The following CSMD2 variants were observed in gnomAD, a reference collection of about 807,000 sequenced individuals.
CSMD2 encodes the protein CUB and sushi domain-containing protein 2.
In CSMD2, 130 loss-of-function variants were observed where a neutral mutation model predicts 398.5. The ratio of observed to expected loss-of-function variants is 0.33; its 90% confidence interval spans 0.28 to 0.38. CSMD2 has a LOEUF of 0.38. CSMD2 is among the 10% of genes least tolerant of loss of function. The pLI is 1.00. For synonymous variants in CSMD2, 1,828 were observed against 1,908.5 expected (o/e 0.96, Z 1.10); for missense variants, 3,829 against 4,764.9 (o/e 0.80, Z 5.78).
At chr1:34,096,011 A>G (rs1490037510) in intron 1 of CSMD2, among the ~76,000 whole-genome samples, 5 of 152,180 alleles carry the variant, frequency 3.3e-5, no homozygotes, top group Non-Finnish European at 7.4e-5. Context: ...AAAATCCTCA[A>G]TAAAATACTG....
intron 40 of CSMD2, 73 bp from the exon 41 acceptor site, chr1:33,611,323 C>T: frequency 7.8e-7 from 1 of 1,282,936 alleles, no homozygotes; most frequent in South Asian, 1.3e-5. Flanking sequence ...CTCATGAAAG[C>T]AGCTCCTGCC....
At chr1:33,847,075 C>T (rs750445541) in intron 5 of CSMD2, 79 bp from the exon 6 acceptor site, 1 of 956,136 alleles carries the variant, frequency 1.0e-6, no homozygotes, top group Non-Finnish European at 1.6e-6. Context: ...AGTTCCTCCA[C>T]TTCCCTTGAG....
At chr1:33,810,592 T>C in intron 10 of CSMD2, 151 bp downstream of exon 10, 3 of 687,728 alleles carry the variant, frequency 4.4e-6, no homozygotes, top group Non-Finnish European at 6.9e-6. Flanking sequence ...ATCTGCTTTT[T>C]ATCCACTCGA....
intron 4 of CSMD2, among the ~76,000 whole-genome samples, chr1:33,920,839 C>A (rs1306147541): frequency 1.3e-5 from 2 of 152,184 alleles, no homozygotes; most frequent in African/African-American, 4.8e-5. Context: ...GTGATGGTGG[C>A]TAAGACCAGG....
Position 33,533,693 on chromosome 1 carries a change from G to C in CSMD2, c.9991+103C>G, listed in dbSNP as rs911673765. 1 of 731,596 alleles carries C rather than the reference G, an allele frequency of 1.4e-6. No homozygotes were observed. Among genetic ancestry groups the C allele is most frequent in the African/African-American group, 1.7e-5 (1 of 57,286 alleles). 45.3% of individuals were successfully genotyped at this position (731,596 alleles called of 1,614,324 possible). ...AAAGAGACCGATGTCGGTTCGCATG[G>C]GGAGTTGTGAACTCCCTGTCATTCA... On this transcript the variant is annotated intron_variant, in intron 63 of 70. Transcript: ENST00000373381. The surrounding 1 kb of genome is among the most constrained non-coding windows in gnomAD (Gnocchi z 4.2).
intron 5 of CSMD2, among the ~76,000 whole-genome samples, chr1:33,850,780 C>A (rs886435395): frequency 2.6e-5 from 4 of 151,572 alleles, no homozygotes; most frequent in Non-Finnish European, 5.9e-5. Flanking sequence ...AAATTGACTT[C>A]TGTTAAGTGG....
intron 25 of CSMD2, among the ~76,000 whole-genome samples, chr1:33,675,300 A>G (rs1477869592): frequency 1.3e-5 from 2 of 152,212 alleles, no homozygotes; most frequent in East Asian, 3.8e-4. Context: ...CCACAGAAAT[A>G]CAAACTACCA....
intron 3 of CSMD2, among the ~76,000 whole-genome samples, chr1:34,023,795 G>A (rs186249253): frequency 9.2e-5 from 14 of 152,252 alleles, no homozygotes; most frequent in African/African-American, 3.1e-4. Flanking sequence ...TTCATAGGAG[G>A]AGTCTGAGAG....
intron 6 of CSMD2, among the ~76,000 whole-genome samples, chr1:33,845,956 C>T (rs1351716375): frequency 6.6e-6 from 1 of 152,192 alleles, no homozygotes; most frequent in Admixed American, 6.5e-5. Context: ...TTAATAGGTA[C>T]ACAATATAAG....
intron 1 of CSMD2, among the ~76,000 whole-genome samples, chr1:34,127,837 T>C (rs1662901879): frequency 6.6e-6 from 1 of 151,570 alleles, no homozygotes; most frequent in South Asian, 2.1e-4. Flanking sequence ...GGACAGTGGT[T>C]CAAGGGATGC....
chr1:33,888,756 T>TTTGATGTTGTTG (rs1641770089), intron 5 of CSMD2, among the ~76,000 whole-genome samples: 1 of 148,822 alleles, frequency 6.7e-6, no homozygotes, highest in Non-Finnish European at 1.5e-5. Flanking sequence ...TCAACTGATT[T>TTTGATGTTGTTG]TTGTTGTTGT....
chr1:33,876,550 A>C (rs965388053), intron 5 of CSMD2, among the ~76,000 whole-genome samples: 1 of 152,204 alleles, frequency 6.6e-6, no homozygotes, highest in East Asian at 1.9e-4. Context: ...AGTCCCTCGC[A>C]TGTATTTACT....
At chr1:33,892,103 AT>A (rs1302158581) in intron 5 of CSMD2, among the ~76,000 whole-genome samples, 46 of 151,018 alleles carry the variant, frequency 3.0e-4, no homozygotes, top group African/African-American at 1.1e-3. Context: ...CAAAAAAAAA[AT>A]GGAAATTTAT....
At chr1:34,165,636 A>G, upstream of CSMD2, 1 of 923,486 alleles carries the variant, frequency 1.1e-6, no homozygotes, top group Non-Finnish European at 1.7e-6. Flanking sequence ...AGACACACGC[A>G]CTCACACACA....
At chr1:34,025,733 C>T (rs548206733) in intron 3 of CSMD2, among the ~76,000 whole-genome samples, 2 of 152,258 alleles carry the variant, frequency 1.3e-5, no homozygotes, top group Admixed American at 1.3e-4. Context: ...CCTGGTTTGG[C>T]CTCATTAGCT....
chr1:34,097,250 C>T (rs78579359), intron 1 of CSMD2, among the ~76,000 whole-genome samples: 4 of 151,020 alleles, frequency 2.6e-5, no homozygotes, highest in Admixed American at 2.0e-4. Flanking sequence ...ACACCTTATA[C>T]AAAAATCAAT....
At chr1:33,884,801 T>C (rs1461914354) in intron 5 of CSMD2, 1 of 152,288 alleles carries the variant, frequency 6.6e-6, no homozygotes, top group African/African-American at 2.4e-5. Flanking sequence ...CTCTCAATTT[T>C]CCATATCCTT....
chr1:33,535,394 G>A (rs146187361), intron 62 of CSMD2, among the ~76,000 whole-genome samples: 11 of 152,308 alleles, frequency 7.2e-5, no homozygotes, highest in Admixed American at 3.3e-4. Context: ...AATTTAGTAA[G>A]TTTTTGCTGG....
chr1:33,907,312 A>G (rs1297165167), intron 5 of CSMD2, among the ~76,000 whole-genome samples: 1 of 148,372 alleles, frequency 6.7e-6, no homozygotes, highest in African/African-American at 2.5e-5. Context: ...TATTTTTAGT[A>G]GAGACGGGGT....
Sources: gnomAD v4.1 joint callset for allele counts (sites outside exome capture counted in the v4.1 genomes callset) on GRCh38, gnomAD v4.1.1 for gene constraint, Gnocchi (gnomAD v3.1) non-coding constraint, MANE v1.5 for transcripts, NCBI Gene and HGNC (gene_info 2026-07-23, HGNC 2026-07-21) for gene names.